The following DYNC1I1 variants were observed in gnomAD, a reference collection of about 807,000 sequenced individuals.
DYNC1I1 encodes the protein cytoplasmic dynein 1 intermediate chain 1.
DYNC1I1 carries 43 observed loss-of-function variants against 86.6 expected under a neutral mutation model. That is an observed-to-expected ratio of 0.50 (90% CI 0.39 to 0.64). DYNC1I1 has a LOEUF of 0.64. Among genes scored for constraint, DYNC1I1 ranks in the 30% least tolerant of loss-of-function variants. DYNC1I1 has a pLI of 0.00. For missense variants in DYNC1I1, 604 were observed against 788.8 expected, an observed-to-expected ratio of 0.77 and a Z score of 2.81; for synonymous variants, 262 against 283.7, an observed-to-expected ratio of 0.92 and a Z score of 0.77.
chr7:95,788,041 GA>G (rs1312442944), intron 1 of DYNC1I1, among the ~76,000 whole-genome samples: 10 of 152,274 alleles, frequency 6.6e-5, no homozygotes, highest in African/African-American at 2.4e-4. Context: ...TCAGGAAAGT[GA>G]TAGGGTTGTG....
Position 95,804,768 on chromosome 7 carries a change from C to CA in DYNC1I1, c.44dup (p.Gln16AlafsTer23). On this transcript the variant is annotated frameshift_variant, in exon 2 of 17. Transcript: ENST00000447467. LOFTEE classifies it high-confidence loss of function. ...GTGACTTAAAAGCTGAGCTAGAGCGCAAAAAGCAGCGCTTAGCACAGATAA... is the reference window on the plus strand; with the variant it reads ...GTGACTTAAAAGCTGAGCTAGAGCGCAAAAAAGCAGCGCTTAGCACAGATAA... 6.3e-7 allele frequency: 1 copy of CA among 1,599,516 alleles called. No homozygotes were observed. The highest frequency in any genetic ancestry group is 8.5e-7 in the Non-Finnish European group (1 of 1,172,180).
At chr7:95,934,235 G>A (rs1429593594) in intron 6 of DYNC1I1, among the ~76,000 whole-genome samples, 1 of 152,116 alleles carries the variant, frequency 6.6e-6, no homozygotes, top group African/African-American at 2.4e-5. Context: ...TAGGTTAATA[G>A]ATGGTTACTG....
chr7:96,072,312 TG>T (rs1790194136), intron 14 of DYNC1I1, among the ~76,000 whole-genome samples: 2 of 152,320 alleles, frequency 1.3e-5, no homozygotes, highest in South Asian at 4.1e-4. Flanking sequence ...TTTATTTCAT[TG>T]ACATGTACCA....
intron 14 of DYNC1I1, among the ~76,000 whole-genome samples, chr7:96,071,811 A>T (rs1045620955): frequency 6.6e-6 from 1 of 152,332 alleles, no homozygotes; most frequent in East Asian, 1.9e-4. Flanking sequence ...TACAAGTTAC[A>T]TAGTATGTGC....
chr7:96,078,811 T>A (rs1790422894), intron 15 of DYNC1I1, among the ~76,000 whole-genome samples: 1 of 152,168 alleles, frequency 6.6e-6, no homozygotes, highest in Admixed American at 6.5e-5. Flanking sequence ...AAATTAACTT[T>A]GAAGAGTCTA....
intron 16 of DYNC1I1, among the ~76,000 whole-genome samples, chr7:96,085,040 C>G (rs149585595): frequency 6.6e-6 from 1 of 152,124 alleles, no homozygotes; most frequent in Non-Finnish European, 1.5e-5. Context: ...CCCAGGTAGT[C>G]TTGCCTTCCT....
intron 6 of DYNC1I1, among the ~76,000 whole-genome samples, chr7:95,935,435 A>G (rs1020004168): frequency 6.6e-6 from 1 of 152,088 alleles, no homozygotes; most frequent in Non-Finnish European, 1.5e-5. Context: ...TTCAATTTAC[A>G]TAGGAGTACT....
rs181234232 is a variant in DYNC1I1 at position 95,773,501 on chromosome 7, A to G, written c.-10+728A>G. On this transcript the variant is annotated intron_variant, in intron 1 of 16. Transcript: ENST00000447467. ...CGCTGATGGGAACTGAGTGTGCGGG[A>G]GTCTCATGACTTGTACCTTGGCTAA... 3.9e-5 allele frequency among the ~76,000 whole-genome samples: 6 copies of G among 152,250 alleles called. No homozygotes were observed. The East Asian group carries it at 1.2e-3, about 29-fold the overall frequency.
intron 16 of DYNC1I1, among the ~76,000 whole-genome samples, chr7:96,083,467 A>T (rs972411819): frequency 4.1e-5 from 6 of 146,706 alleles, no homozygotes; most frequent in Non-Finnish European, 7.4e-5. Context: ...AAAGAGGTAG[A>T]TCCCTTAAGG....
intron 4 of DYNC1I1, among the ~76,000 whole-genome samples, chr7:95,819,835 T>C (rs191887501): frequency 6.6e-6 from 1 of 152,160 alleles, no homozygotes; most frequent in Non-Finnish European, 1.5e-5. Flanking sequence ...AAGTTCAAAA[T>C]TTTTAATATC....
chr7:96,010,952 A>G (rs149636348), intron 10 of DYNC1I1, among the ~76,000 whole-genome samples: 420 of 152,338 alleles, frequency 2.8e-3, no homozygotes, highest in African/African-American at 9.5e-3. Flanking sequence ...GCCATTATCT[A>G]CATTTTGGAA....
At chr7:95,796,173 G>C (rs1295809821) in intron 1 of DYNC1I1, among the ~76,000 whole-genome samples, 1 of 152,160 alleles carries the variant, frequency 6.6e-6, no homozygotes, top group Non-Finnish European at 1.5e-5. Context: ...CCATTTGTGT[G>C]TGTGTGTTTA....
At chr7:96,069,269 G>A (rs1305536574) in intron 14 of DYNC1I1, among the ~76,000 whole-genome samples, 1 of 152,160 alleles carries the variant, frequency 6.6e-6, no homozygotes, top group Non-Finnish European at 1.5e-5. Flanking sequence ...TCAAAGGGGG[G>A]CTCTTTTGAA....
At chr7:95,825,020 A>G (rs1172165062) in intron 4 of DYNC1I1, among the ~76,000 whole-genome samples, 3 of 152,154 alleles carry the variant, frequency 2.0e-5, no homozygotes, top group African/African-American at 4.8e-5. Context: ...AGATAATACA[A>G]CTGGCACATT....
intron 6 of DYNC1I1, among the ~76,000 whole-genome samples, chr7:95,873,114 A>G (rs148156552): frequency 6.6e-6 from 1 of 152,320 alleles, no homozygotes; most frequent in East Asian, 1.9e-4. Context: ...AACCTGGTAC[A>G]TAATCATAGT....
intron 9 of DYNC1I1, among the ~76,000 whole-genome samples, chr7:95,989,221 G>A (rs1345515777): frequency 6.6e-6 from 1 of 152,140 alleles, no homozygotes; most frequent in Non-Finnish European, 1.5e-5. Flanking sequence ...TAATCCTATT[G>A]GAGAACAGGG....
At chr7:95,887,647 A>C (rs970988963) in intron 6 of DYNC1I1, among the ~76,000 whole-genome samples, 1 of 152,238 alleles carries the variant, frequency 6.6e-6, no homozygotes, top group African/African-American at 2.4e-5. Context: ...AGGCTCAATA[A>C]AAAATTAAAT....
At chr7:96,054,240 G>A (rs1265991529) in intron 14 of DYNC1I1, among the ~76,000 whole-genome samples, 2 of 152,090 alleles carry the variant, frequency 1.3e-5, no homozygotes, top group Non-Finnish European at 2.9e-5. Flanking sequence ...TGCGGTGTTC[G>A]GTTTTCTGTT....
chr7:95,906,833 C>T (rs1356503111), intron 6 of DYNC1I1, among the ~76,000 whole-genome samples: 1 of 152,094 alleles, frequency 6.6e-6, no homozygotes, highest in East Asian at 1.9e-4. Flanking sequence ...ACAGAGGTCT[C>T]AGGACACACA....
Sources: gnomAD v4.1 joint callset for allele counts (sites outside exome capture counted in the v4.1 genomes callset) on GRCh38, gnomAD v4.1.1 for gene constraint, MANE v1.5 for transcripts, NCBI Gene and HGNC (gene_info 2026-07-23, HGNC 2026-07-21) for gene names.